THAP12: variants seen among roughly 807,000 people sequenced by gnomAD.
THAP12 encodes THAP domain containing 12.
THAP12 carries 20 observed loss-of-function variants against 63.0 expected under a neutral mutation model. The ratio of observed to expected loss-of-function variants is 0.32; its 90% CI spans 0.22 to 0.46. THAP12 has a LOEUF of 0.46. Among genes scored for constraint, THAP12 ranks in the 20% least tolerant of loss-of-function variants. The pLI, the probability that THAP12 is intolerant of heterozygous loss-of-function variation, is 1.00. For missense variants in THAP12, 568 were observed against 908.2 expected (o/e 0.63, Z 4.81); for synonymous variants, 264 against 328.4 (o/e 0.80, Z 2.12).
Position 76,352,777 on chromosome 11 carries a change from G to C in THAP12, c.373C>G (p.Gln125Glu), listed in dbSNP as rs968985420. 13 of 1,514,210 alleles carry C rather than the reference G, an allele frequency of 8.6e-6. No homozygotes were observed. Among genetic ancestry groups the C allele is most frequent in the Non-Finnish European group, 1.1e-5 (12 of 1,132,730 alleles). 93.8% of individuals were successfully genotyped at this position (1,514,210 alleles called of 1,614,324 possible). A position where few individuals can be genotyped will look rare whatever the true frequency, so the allele number is the denominator to read the frequency against. ...TTGGTTTCTTTATGTTTTTGTTCCTGCTCAGAAGTTTCATCAACTGGAAAA... is the reference window on the plus strand; with the variant it reads ...TTGGTTTCTTTATGTTTTTGTTCCTCCTCAGAAGTTTCATCAACTGGAAAA... The part of the protein sequence containing the change: ...KQKKIDETSE[Q>E]EQKHKETNNS... Residue 125 changes from glutamine (Q) to glutamate (E), a missense_variant, in exon 5 of 5, where the codon CAG becomes GAG. Transcript: ENST00000260045.
Position 76,350,761 on chromosome 11 carries a change from G to C in THAP12, c.*103C>G. 1 of 1,223,198 alleles carries C rather than the reference G, an allele frequency of 8.2e-7. No individual in the cohort carries two copies. Among genetic ancestry groups the C allele is most frequent in the South Asian group, 2.1e-5 (1 of 48,602 alleles). 75.8% of individuals were successfully genotyped at this position (1,223,198 alleles called of 1,614,324 possible). Reference sequence around the variant, plus strand: ...TTATCAATGGCTAATGTATTCAATGGAGTCCTATAGGCAAAGATATTTAGT... The same window carrying C: ...TTATCAATGGCTAATGTATTCAATGCAGTCCTATAGGCAAAGATATTTAGT... On this transcript the variant is annotated 3_prime_UTR_variant, in exon 5 of 5. Transcript: ENST00000260045.
At chr11:76,369,077 G>A (rs1946652339) in intron 1 of THAP12, among the ~76,000 whole-genome samples, 1 of 151,718 alleles carries the variant, frequency 6.6e-6, no homozygotes, top group African/African-American at 2.4e-5. Flanking sequence ...AATAGGCAAG[G>A]GGCCTTGAAC....
At chr11:76,371,275 T>C (rs1016578662) in intron 1 of THAP12, among the ~76,000 whole-genome samples, 1 of 152,242 alleles carries the variant, frequency 6.6e-6, no homozygotes, top group Non-Finnish European at 1.5e-5. Context: ...CTGTGTTCAC[T>C]TCTATCCTGG....
At position 76,350,790 on chromosome 11, in the gene THAP12, T is replaced by A; in HGVS notation, c.*74A>T. 2 of 1,415,614 alleles carry A rather than the reference T, an allele frequency of 1.4e-6. No individual in the cohort carries two copies. Among genetic ancestry groups the A allele is most frequent in the African/African-American group, 2.9e-5 (2 of 68,452 alleles). 87.7% of individuals were successfully genotyped at this position (1,415,614 alleles called of 1,614,324 possible). ...CCTATAGGCAAAGATATTTAGTGAT[T>A]AAGTGGTCTACATACACCTTACGGC... On this transcript the variant is annotated 3_prime_UTR_variant, in exon 5 of 5. Coordinates refer to ENST00000260045, the MANE Select transcript of THAP12 (RefSeq NM_004705.4).
chr11:76,370,301 T>C (rs1435224832), intron 1 of THAP12, among the ~76,000 whole-genome samples: 1 of 152,110 alleles, frequency 6.6e-6, no homozygotes, highest in Non-Finnish European at 1.5e-5. Context: ...TTCATGGATA[T>C]GTTACTCTGA....
chr11:76,355,356 C>G (rs1343777837), intron 4 of THAP12, among the ~76,000 whole-genome samples: 4 of 152,242 alleles, frequency 2.6e-5, no homozygotes, highest in African/African-American at 9.6e-5. Flanking sequence ...GTGCCTGCCA[C>G]CCCTACCACA....
intron 1 of THAP12, among the ~76,000 whole-genome samples, chr11:76,368,137 G>C (rs931533392): frequency 6.6e-6 from 1 of 151,984 alleles, no homozygotes; most frequent in Non-Finnish European, 1.5e-5. Context: ...TATTACCTCC[G>C]AACTAAGTTG....
chr11:76,373,897 A>C (rs546183713), intron 1 of THAP12, among the ~76,000 whole-genome samples: 5 of 152,200 alleles, frequency 3.3e-5, no homozygotes, highest in Non-Finnish European at 7.3e-5. Context: ...ATTCATTAAA[A>C]TACCAACCTT....
intron 1 of THAP12, among the ~76,000 whole-genome samples, chr11:76,379,111 AAGACCAACC>A (rs1946731488): frequency 6.6e-6 from 1 of 152,162 alleles, no homozygotes; most frequent in Non-Finnish European, 1.5e-5. Flanking sequence ...CCAGGAGTTC[AAGACCAACC>A]TGGCCAACAT....
chr11:76,365,346 G>C lies in THAP12; in HGVS notation c.210+506C>G, dbSNP rs868513665. ...TTGGGTGAGTAGAAATGGGGCACCAGGAACCGAAGAGTTTTGTTTTGTTTT... is the reference window on the plus strand; with the variant it reads ...TTGGGTGAGTAGAAATGGGGCACCACGAACCGAAGAGTTTTGTTTTGTTTT... On this transcript the variant is annotated intron_variant, in intron 2 of 4. Coordinates refer to ENST00000260045, the MANE Select transcript of THAP12 (RefSeq NM_004705.4). Among the ~76,000 whole-genome samples the C allele has an allele frequency of 1.7e-4, 26 of 151,462 alleles. No individual in the cohort carries two copies. In the Middle Eastern group the frequency reaches 0.01, roughly 61 times the overall value.
At chr11:76,352,946 T>G in intron 4 of THAP12, 152 bp from the exon 5 acceptor site, 1 of 882,148 alleles carries the variant, frequency 1.1e-6, no homozygotes, top group South Asian at 2.6e-5. Context: ...GGACAGAGAT[T>G]AAAATAAGAC....
At chr11:76,361,119 C>T in intron 2 of THAP12, 56 bp from the exon 3 acceptor site, 1 of 1,115,158 alleles carries the variant, frequency 9.0e-7, no homozygotes, top group Non-Finnish European at 1.3e-6. Context: ...TATTACACAT[C>T]AATAAAATTC....
At chr11:76,363,047 C>T (rs1032118498) in intron 2 of THAP12, among the ~76,000 whole-genome samples, 1 of 151,976 alleles carries the variant, frequency 6.6e-6, no homozygotes, top group Non-Finnish European at 1.5e-5. Context: ...GGAGGCTCAG[C>T]GGGGAGGATT....
intron 1 of THAP12, among the ~76,000 whole-genome samples, chr11:76,369,371 T>G (rs554445879): frequency 1.3e-5 from 2 of 152,358 alleles, no homozygotes; most frequent in East Asian, 3.9e-4. Context: ...AACGTAATGT[T>G]AAGCAGAAGA....
At chr11:76,360,023 A>G (rs1319083360) in intron 3 of THAP12, among the ~76,000 whole-genome samples, 1 of 152,238 alleles carries the variant, frequency 6.6e-6, no homozygotes, top group Non-Finnish European at 1.5e-5. Flanking sequence ...AACTTGTTAT[A>G]TAACAGAGGT....
chr11:76,370,804 G>A (rs1383226007), intron 1 of THAP12, among the ~76,000 whole-genome samples: 4 of 141,776 alleles, frequency 2.8e-5, no homozygotes, highest in African/African-American at 7.8e-5. Context: ...CCTGGCAAGA[G>A]AGCGAGACTC....
chr11:76,367,792 C>G (rs565331206), intron 1 of THAP12, among the ~76,000 whole-genome samples: 4 of 152,132 alleles, frequency 2.6e-5, no homozygotes, highest in Admixed American at 6.5e-5. Flanking sequence ...CCACCTCCCC[C>G]CAACATACAT....
Position 76,365,749 on chromosome 11 carries a change from G to A in THAP12, c.210+103C>T, listed in dbSNP as rs75318645. 5,544 of 1,364,024 alleles carry A rather than the reference G, an allele frequency of 4.1e-3. 204 individuals are homozygous for A. In the African/African-American group the frequency reaches 0.073, roughly 18 times the overall value. 84.5% of individuals were successfully genotyped at this position (1,364,024 alleles called of 1,614,324 possible). ...CTTCATCTTAAAGTGGCAGGATATA[G>A]GAATACCTTCCAACATTGGTAAATA... On this transcript the variant is annotated intron_variant, in intron 2 of 4. Transcript: ENST00000260045.
At chr11:76,359,518 C>A (rs868582528) in intron 3 of THAP12, 1 of 152,090 alleles carries the variant, frequency 6.6e-6, no homozygotes, top group Non-Finnish European at 1.5e-5. Flanking sequence ...TCTAGGAGAA[C>A]TTGACAAAAG....
Sources: gnomAD v4.1 joint callset for allele counts (sites outside exome capture counted in the v4.1 genomes callset) on GRCh38, gnomAD v4.1.1 for gene constraint, MANE v1.5 for transcripts, NCBI Gene and HGNC (gene_info 2026-07-23, HGNC 2026-07-21) for gene names.